The following RECK variants were observed in gnomAD, a reference collection of about 807,000 sequenced individuals.
RECK encodes the protein reversion inducing cysteine rich protein with kazal motifs.
In RECK, 69 loss-of-function variants were observed where a neutral mutation model predicts 115.1. The observed-to-expected ratio is 0.60, with a 90% CI of 0.49 to 0.73. The LOEUF (loss-of-function observed/expected upper bound fraction) is 0.73. Among genes scored for constraint, RECK ranks in the 30% least tolerant of loss-of-function variants. RECK has a pLI of 0.00. For synonymous variants in RECK, 414 were observed against 419.7 expected, an observed-to-expected ratio of 0.99 and a Z score of 0.17; for missense variants, 1,047 against 1,203.7, an observed-to-expected ratio of 0.87 and a Z score of 1.93.
intron 11 of RECK, among the ~76,000 whole-genome samples, 157 bp downstream of exon 11, chr9:36,100,700 A>C (rs889414815): frequency 6.6e-6 from 1 of 152,036 alleles, no homozygotes; most frequent in African/African-American, 2.4e-5. Flanking sequence ...TCTAGTTGAA[A>C]TACTGCTCCC....
intron 9 of RECK, among the ~76,000 whole-genome samples, 191 bp downstream of exon 9, chr9:36,088,152 T>C (rs2132634249): frequency 6.6e-6 from 1 of 152,344 alleles, no homozygotes; most frequent in East Asian, 1.9e-4. Context: ...TTCTGTATAT[T>C]GAGTGCTAAA....
At chr9:36,105,331 GTTTCTTTATAGGAGC>G in intron 13 of RECK, 48 bp downstream of exon 13, 3 of 1,594,002 alleles carry the variant, frequency 1.9e-6, no homozygotes, top group Non-Finnish European at 2.6e-6. Context: ...TGCTGCTAGT[GTTTCTTTATAGGAGC>G]TATCTTTCTT....
chr9:36,109,863 C>A, intron 14 of RECK, 94 bp from the exon 15 acceptor site: 1 of 1,227,542 alleles, frequency 8.1e-7, no homozygotes. Context: ...AAAGGAATTT[C>A]CATTTTAAAA....
chr9:36,048,303 A>T (rs1301088022), intron 1 of RECK, among the ~76,000 whole-genome samples: 1 of 151,666 alleles, frequency 6.6e-6, no homozygotes, highest in South Asian at 2.1e-4. Flanking sequence ...TCTGCGCTCT[A>T]CAACAGTTAC....
chr9:36,083,882 A>T (rs557864741), intron 8 of RECK, among the ~76,000 whole-genome samples: 4 of 152,206 alleles, frequency 2.6e-5, no homozygotes, highest in Non-Finnish European at 5.9e-5. Flanking sequence ...TAGCAGTTCC[A>T]TTTCTCAGAA....
intron 10 of RECK, among the ~76,000 whole-genome samples, chr9:36,098,950 G>T (rs772273068): frequency 1.2e-4 from 19 of 152,160 alleles, no homozygotes; most frequent in Non-Finnish European, 2.4e-4. Flanking sequence ...TCTAGCCCAG[G>T]CATGATGGCT....
At chr9:36,037,511 C>T (rs1425984928) in intron 1 of RECK, among the ~76,000 whole-genome samples, 1 of 151,918 alleles carries the variant, frequency 6.6e-6, no homozygotes, top group East Asian at 1.9e-4. Flanking sequence ...ACTTGACCCG[C>T]ACTTGGTTCA....
At chr9:36,110,508 C>A (rs537112504) in intron 15 of RECK, among the ~76,000 whole-genome samples, 3 of 152,306 alleles carry the variant, frequency 2.0e-5, no homozygotes, top group East Asian at 3.9e-4. Flanking sequence ...AATAATATCC[C>A]AGAATATTAC....
intron 10 of RECK, among the ~76,000 whole-genome samples, chr9:36,097,957 A>G (rs1325124229): frequency 6.6e-6 from 1 of 152,186 alleles, no homozygotes; most frequent in Admixed American, 6.5e-5. Context: ...TCTCACTTAT[A>G]TGTGGAATCT....
At chr9:36,052,436 C>A in intron 2 of RECK, 113 bp downstream of exon 2, 1 of 678,386 alleles carries the variant, frequency 1.5e-6, no homozygotes, top group Non-Finnish European at 2.7e-6. Context: ...GGTTCAGGAC[C>A]AGCCAGGACA....
chr9:36,105,579 G>C (rs1433490419), intron 13 of RECK, among the ~76,000 whole-genome samples: 2 of 152,012 alleles, frequency 1.3e-5, no homozygotes, highest in East Asian at 3.9e-4. Flanking sequence ...TGAGTTGCAG[G>C]GTTCTAGACT....
chr9:36,120,823 C>T, intron 19 of RECK, 87 bp downstream of exon 19: 1 of 924,096 alleles, frequency 1.1e-6, no homozygotes, highest in Non-Finnish European at 1.7e-6. Flanking sequence ...TGTCCTCATT[C>T]ATAGATAAAG....
At chr9:36,119,015 C>T in intron 18 of RECK, 48 bp downstream of exon 18, 1 of 1,547,320 alleles carries the variant, frequency 6.5e-7, no homozygotes, top group Non-Finnish European at 8.9e-7. Context: ...AGAAGATTTG[C>T]TTATCCACCT....
chr9:36,059,778 T>A (rs1246231324), intron 3 of RECK, among the ~76,000 whole-genome samples: 1 of 152,188 alleles, frequency 6.6e-6, no homozygotes, highest in Non-Finnish European at 1.5e-5. Flanking sequence ...GTGGCTTATA[T>A]TATGTGAAGG....
intron 8 of RECK, among the ~76,000 whole-genome samples, chr9:36,084,962 G>A (rs1159803551): frequency 6.6e-6 from 1 of 152,130 alleles, no homozygotes; most frequent in Non-Finnish European, 1.5e-5. Context: ...GGTAGAGACA[G>A]GAAGATGGCT....
In RECK at chr9:36,117,037, A is replaced by G; in HGVS notation, c.2113A>G (p.Ser705Gly). 5 of 1,613,836 alleles carry G rather than the reference A, an allele frequency of 3.1e-6. No individual in the cohort carries two copies. The highest frequency in any genetic ancestry group is 4.2e-6 in the Non-Finnish European group (5 of 1,179,808). ...GACGACTTTTGATAAATTTGGATGT[A>G]GCCAGTATGAGTGTGTACCAAGACA... ...CLTTFDKFGC[S>G]QYECVPRQLA... is the part of the protein sequence containing the mutation. The change falls in exon 17 of 21, where the codon AGC (serine) becomes GGC (glycine). Residue 705 changes from serine (S) to glycine (G), a missense_variant. By Grantham distance (56) the Ser-to-Gly change is moderately conservative. Transcript: ENST00000377966.
At chr9:36,100,633 T>C (rs1053681828) in intron 11 of RECK, 90 bp downstream of exon 11, 1 of 958,920 alleles carries the variant, frequency 1.0e-6, no homozygotes. Context: ...TTTTCTCTCT[T>C]ACCACTTCCT....
At chr9:36,063,992 A>C (rs1346689025) in intron 5 of RECK, 112 bp downstream of exon 5, 1 of 969,948 alleles carries the variant, frequency 1.0e-6, no homozygotes. Flanking sequence ...ACCCGTAAAA[A>C]CTGCAAATTT....
At chr9:36,112,266 A>C (rs759749877) in intron 15 of RECK, 39 bp from the exon 16 acceptor site, 1 of 1,601,508 alleles carries the variant, frequency 6.2e-7, no homozygotes, top group South Asian at 1.1e-5. Flanking sequence ...GAGGGGGAAT[A>C]TACACATACA....
Sources: gnomAD v4.1 joint callset for allele counts (sites outside exome capture counted in the v4.1 genomes callset) on GRCh38, gnomAD v4.1.1 for gene constraint, MANE v1.5 for transcripts, NCBI Gene and HGNC (gene_info 2026-07-23, HGNC 2026-07-21) for gene names.